LRCH1: variants seen among roughly 807,000 people sequenced by gnomAD.
LRCH1 encodes leucine-rich repeat and calponin homology domain-containing protein 1.
LRCH1 carries 23 observed loss-of-function variants against 94.9 expected under a neutral mutation model. That is an observed-to-expected ratio of 0.24 (90% CI 0.17 to 0.34). LRCH1 has a LOEUF of 0.34. LRCH1 is among the 10% of genes least tolerant of loss of function. LRCH1 has a pLI of 1.00. For synonymous variants in LRCH1, 364 were observed against 354.9 expected, an observed-to-expected ratio of 1.03 and a Z score of -0.29; for missense variants, 790 against 945.9, an observed-to-expected ratio of 0.84 and a Z score of 2.16.
intron 1 of LRCH1, among the ~76,000 whole-genome samples, chr13:46,581,978 C>T (rs922223486): frequency 2.0e-5 from 3 of 152,006 alleles, no homozygotes; most frequent in African/African-American, 7.2e-5. Flanking sequence ...GGCGAAACCC[C>T]CTTTGTACTA....
intron 8 of LRCH1, among the ~76,000 whole-genome samples, chr13:46,694,489 T>C (rs1871071509): frequency 6.6e-6 from 1 of 152,236 alleles, no homozygotes; most frequent in African/African-American, 2.4e-5. Context: ...GCTGATTTTT[T>C]AATCCCTAAA....
exon 19 of LRCH1, chr13:46,750,784 T>A (rs1874096058): frequency 1.6e-6 from 1 of 611,976 alleles, no homozygotes; most frequent in Non-Finnish European, 2.9e-6. Flanking sequence ...TTGAAACAAT[T>A]TTCAGTCTAA....
intron 1 of LRCH1, among the ~76,000 whole-genome samples, chr13:46,562,883 G>A (rs1331071694): frequency 6.6e-6 from 1 of 152,182 alleles, no homozygotes; most frequent in Non-Finnish European, 1.5e-5. Flanking sequence ...GCTGTAAAAT[G>A]GTAAGAGAGC....
chr13:46,750,879 GA>G (rs1022581499), exon 19 of LRCH1: 83 of 373,288 alleles, frequency 2.2e-4, no homozygotes, highest in East Asian at 6.5e-4. Flanking sequence ...GGAGCTGGAG[GA>G]AAAAAAAACT....
chr13:46,733,822 T>C (rs969904298), intron 18 of LRCH1, 99 bp from the exon 19 acceptor site: 10 of 645,956 alleles, frequency 1.5e-5, no homozygotes, highest in Admixed American at 9.9e-5. Flanking sequence ...CCAATAAACA[T>C]GTATTGCTTG....
intron 1 of LRCH1, among the ~76,000 whole-genome samples, chr13:46,610,174 G>A (rs1425312048): frequency 6.6e-6 from 1 of 152,174 alleles, no homozygotes; most frequent in Non-Finnish European, 1.5e-5. Context: ...ATTTGGGAGA[G>A]AGTTTGAAAT....
At chr13:46,714,388 T>C (rs1021256852) in intron 15 of LRCH1, among the ~76,000 whole-genome samples, 18 of 152,200 alleles carry the variant, frequency 1.2e-4, no homozygotes, top group African/African-American at 4.3e-4. Flanking sequence ...AGTGTATTTT[T>C]CACATTTTCT....
intron 19 of LRCH1, among the ~76,000 whole-genome samples, chr13:46,739,761 A>T (rs755542385): frequency 1.3e-5 from 2 of 152,212 alleles, no homozygotes; most frequent in African/African-American, 2.4e-5. Flanking sequence ...TTTAATTTAA[A>T]TTAACCACTA....
At chr13:46,694,368 G>A (rs948398196) in intron 8 of LRCH1, among the ~76,000 whole-genome samples, 7 of 152,124 alleles carry the variant, frequency 4.6e-5, no homozygotes, top group Admixed American at 2.0e-4. Context: ...CCTCTGTGTG[G>A]CCCTTCTTGT....
At chr13:46,613,091 T>A (rs1269674253) in intron 1 of LRCH1, among the ~76,000 whole-genome samples, 1 of 152,172 alleles carries the variant, frequency 6.6e-6, no homozygotes, top group African/African-American at 2.4e-5. Context: ...TAATTTTCTT[T>A]AAAAAAATGC....
intron 1 of LRCH1, among the ~76,000 whole-genome samples, chr13:46,576,098 A>G (rs2050301381): frequency 6.6e-6 from 1 of 152,182 alleles, no homozygotes. Flanking sequence ...TTATGGCCAA[A>G]GAAAGTGGCA....
intron 4 of LRCH1, among the ~76,000 whole-genome samples, chr13:46,685,429 T>C (rs1870554133): frequency 6.6e-6 from 1 of 152,234 alleles, no homozygotes; most frequent in African/African-American, 2.4e-5. Flanking sequence ...TAAAATGCAG[T>C]TGAAAAACTC....
intron 11 of LRCH1, among the ~76,000 whole-genome samples, chr13:46,702,421 G>A (rs1275649495): frequency 6.6e-6 from 1 of 152,170 alleles, no homozygotes; most frequent in Non-Finnish European, 1.5e-5. Flanking sequence ...AGAATCGCTT[G>A]AGCCCAGGAG....
intron 1 of LRCH1, among the ~76,000 whole-genome samples, chr13:46,589,151 C>G (rs1396815995): frequency 6.6e-6 from 1 of 152,066 alleles, no homozygotes; most frequent in East Asian, 1.9e-4. Flanking sequence ...ATCCTCCCAC[C>G]TCAGCCTCCC....
downstream of LRCH1, among the ~76,000 whole-genome samples, chr13:46,748,673 G>A (rs184600291): frequency 7.9e-5 from 12 of 152,292 alleles, no homozygotes; most frequent in African/African-American, 2.9e-4. Flanking sequence ...TCCTTTCTCA[G>A]GTTGATACTT....
In LRCH1 at chr13:46,654,442, C is replaced by A. The variant is rs531401140; in HGVS notation, c.452+4097C>A. 1.7e-4 allele frequency among the ~76,000 whole-genome samples: 26 copies of A among 152,222 alleles called. No individual in the cohort carries two copies. In the South Asian group the frequency reaches 5.4e-3, roughly 32 times the overall value. On this transcript the variant is annotated intron_variant, in intron 2 of 19. Coordinates refer to ENST00000389797, the MANE Select transcript of LRCH1 (RefSeq NM_001164211.2). The stretch of plus-strand genomic sequence containing the variant: ...GTAGTGGACTTCATTGACTTTTGAC[C>A]TTTGGGGAGAGACTGCCAATCCCCT...
At chr13:46,671,907 C>A (rs2051605668) in intron 3 of LRCH1, among the ~76,000 whole-genome samples, 1 of 152,176 alleles carries the variant, frequency 6.6e-6, no homozygotes, top group African/African-American at 2.4e-5. Context: ...AATCTGTGAA[C>A]CTATCCGGAC....
At chr13:46,596,128 G>A (rs2050560280) in intron 1 of LRCH1, among the ~76,000 whole-genome samples, 1 of 152,176 alleles carries the variant, frequency 6.6e-6, no homozygotes, top group Non-Finnish European at 1.5e-5. Flanking sequence ...GGTTTGGATG[G>A]TTATCATAGA....
intron 2 of LRCH1, among the ~76,000 whole-genome samples, chr13:46,663,030 T>C (rs80168209): frequency 0.028 from 4,306 of 152,308 alleles, 195 homozygotes; most frequent in African/African-American, 0.098. Flanking sequence ...ATTCAAATGA[T>C]GATTCTGTTT....
Sources: gnomAD v4.1 joint callset for allele counts (sites outside exome capture counted in the v4.1 genomes callset) on GRCh38, gnomAD v4.1.1 for gene constraint, MANE v1.5 for transcripts, NCBI Gene and HGNC (gene_info 2026-07-23, HGNC 2026-07-21) for gene names.